The following TASP1 variants were observed in gnomAD, a reference collection of about 807,000 sequenced individuals.
The protein encoded by TASP1 is taspase 1.
TASP1 carries 16 observed loss-of-function variants against 56.6 expected under a neutral mutation model. The observed-to-expected ratio is 0.28, with a 90% CI of 0.19 to 0.43. TASP1 has a LOEUF of 0.43. Among genes scored for constraint, TASP1 ranks in the 20% least tolerant of loss-of-function variants. The probability of loss-of-function intolerance (pLI) is 1.00; values close to 1 mark genes in which losing one functional copy is unlikely to be tolerated. For synonymous variants in TASP1, 179 were observed against 184.2 expected, an observed-to-expected ratio of 0.97 and a Z score of 0.23; for missense variants, 393 against 511.6, an observed-to-expected ratio of 0.77 and a Z score of 2.24.
chr20:13,465,622 G>A (rs965623012), intron 11 of TASP1, among the ~76,000 whole-genome samples: 4 of 152,034 alleles, frequency 2.6e-5, no homozygotes, highest in South Asian at 2.1e-4. Context: ...ACAAATTATG[G>A]TGTGTCCACA....
intron 3 of TASP1, 91 bp from the exon 4 acceptor site, chr20:13,623,605 T>G (rs1437103484): frequency 1.0e-6 from 1 of 1,000,588 alleles, no homozygotes; most frequent in Non-Finnish European, 1.5e-6. Context: ...ACACTTAGAT[T>G]AATAAAAATT....
chr20:13,323,473 C>T, the TASP1 span, among the ~76,000 whole-genome samples: 1 of 152,140 alleles, frequency 6.6e-6, no homozygotes, highest in Non-Finnish European at 1.5e-5. Context: ...ATTCCTTTCC[C>T]AATGTAACTT....
At chr20:13,425,636 G>GGTCA (rs2042593092) in intron 12 of TASP1, among the ~76,000 whole-genome samples, 1 of 152,206 alleles carries the variant, frequency 6.6e-6, no homozygotes, top group Admixed American at 6.5e-5. Context: ...TTGAGCCTTA[G>GGTCA]GTCAAATGGC....
chr20:13,629,133 A>C (rs772226263), intron 2 of TASP1, among the ~76,000 whole-genome samples: 55 of 152,186 alleles, frequency 3.6e-4, no homozygotes, highest in Non-Finnish European at 7.2e-4. Context: ...TGGGAGGCCA[A>C]GGCAGGTGGA....
At chr20:13,355,862 T>A in the TASP1 span, among the ~76,000 whole-genome samples, 1 of 152,202 alleles carries the variant, frequency 6.6e-6, no homozygotes, top group Non-Finnish European at 1.5e-5. Flanking sequence ...TCCTGTATTA[T>A]CTTGGTCAAG....
chr20:13,458,239 C>A (rs1372194415), intron 11 of TASP1, among the ~76,000 whole-genome samples: 5 of 152,174 alleles, frequency 3.3e-5, no homozygotes, highest in African/African-American at 1.2e-4. Flanking sequence ...AAGTTCTACA[C>A]ATTCAATTGA....
intron 10 of TASP1, among the ~76,000 whole-genome samples, chr20:13,525,581 A>C (rs972128651): frequency 6.6e-6 from 1 of 152,128 alleles, no homozygotes. Flanking sequence ...CCGCCTTTCA[A>C]TTATCACCTT....
At chr20:13,164,340 T>C in the TASP1 span, 4 of 472,002 alleles carry the variant, frequency 8.5e-6, no homozygotes, top group South Asian at 6.2e-5. Flanking sequence ...GCAACATTCC[T>C]CTTTGTTCTT....
chr20:13,395,422 T>G (rs1222285092), intron 13 of TASP1, among the ~76,000 whole-genome samples: 2 of 152,230 alleles, frequency 1.3e-5, no homozygotes, highest in Non-Finnish European at 1.5e-5. Context: ...AATTCTTACT[T>G]ATTTTTCAAA....
At chr20:13,341,002 T>C in the TASP1 span, among the ~76,000 whole-genome samples, 1 of 152,198 alleles carries the variant, frequency 6.6e-6, no homozygotes, top group Admixed American at 6.5e-5. Flanking sequence ...TCAGTAATAT[T>C]ATGTGCTGAG....
chr20:13,562,865 A>G (rs1601256093), intron 7 of TASP1, among the ~76,000 whole-genome samples: 3 of 144,866 alleles, frequency 2.1e-5, no homozygotes. Context: ...CAAGAGCAAG[A>G]CCTTGTCTCA....
chr20:13,166,325 C>A, the TASP1 span: 1 of 152,394 alleles, frequency 6.6e-6, no homozygotes, highest in Non-Finnish European at 1.5e-5. Context: ...ATGCTCAAAG[C>A]GTATTAAAGG....
chr20:13,540,207 C>A (rs1317997087), intron 8 of TASP1, among the ~76,000 whole-genome samples: 1 of 152,082 alleles, frequency 6.6e-6, no homozygotes, highest in Non-Finnish European at 1.5e-5. Flanking sequence ...TGCATTCATC[C>A]TATCAAAATA....
At chr20:13,137,127 T>C in the TASP1 span, among the ~76,000 whole-genome samples, 2 of 152,304 alleles carry the variant, frequency 1.3e-5, no homozygotes, top group South Asian at 2.1e-4. Context: ...GGGCTTCCTT[T>C]ACCCTTTAAA....
chr20:13,279,965 G>C, the TASP1 span: 4 of 1,471,322 alleles, frequency 2.7e-6, no homozygotes, highest in Admixed American at 7.8e-5. Context: ...CTTGGACATG[G>C]AGCCAAGCAA....
chr20:13,225,894 A>T, the TASP1 span, among the ~76,000 whole-genome samples: 4 of 152,200 alleles, frequency 2.6e-5, no homozygotes, highest in African/African-American at 9.7e-5. Context: ...ATAGATATAG[A>T]TATATAATAA....
the TASP1 span, among the ~76,000 whole-genome samples, chr20:13,256,197 A>G: frequency 6.6e-6 from 1 of 151,610 alleles, no homozygotes; most frequent in African/African-American, 2.4e-5. Context: ...GGAGTTTGAG[A>G]CCAGCCTGGC....
chr20:13,116,800 C>A, the TASP1 span, among the ~76,000 whole-genome samples: 1 of 152,208 alleles, frequency 6.6e-6, no homozygotes, highest in Non-Finnish European at 1.5e-5. Context: ...CAAAAATGCA[C>A]GTTCTCAGCC....
intron 10 of TASP1, among the ~76,000 whole-genome samples, chr20:13,490,892 T>C (rs894393788): frequency 2.6e-5 from 4 of 152,122 alleles, no homozygotes; most frequent in African/African-American, 9.7e-5. Flanking sequence ...ACATAAAGCA[T>C]TTAGCATGGA....
Sources: gnomAD v4.1 joint callset for allele counts (sites outside exome capture counted in the v4.1 genomes callset) on GRCh38, gnomAD v4.1.1 for gene constraint, MANE v1.5 for transcripts, NCBI Gene and HGNC (gene_info 2026-07-23, HGNC 2026-07-21) for gene names.